Variants in CCDC88C observed in about 807,000 individuals in gnomAD.
The protein encoded by CCDC88C is coiled-coil and HOOK domain protein 88C, also known as protein Daple.
CCDC88C carries 131 observed loss-of-function variants against 198.8 expected under a neutral mutation model. The observed-to-expected ratio is 0.66, with a 90% CI of 0.57 to 0.76. CCDC88C has a LOEUF of 0.76. CCDC88C is among the 30% of genes least tolerant of loss of function. The probability of loss-of-function intolerance (pLI) is 0.00; values close to 1 mark genes in which losing one functional copy is unlikely to be tolerated. For missense variants in CCDC88C, 2,553 were observed against 2,631.6 expected, an observed-to-expected ratio of 0.97 and a Z score of 0.65; for synonymous variants, 1,166 against 1,114.7, an observed-to-expected ratio of 1.05 and a Z score of -0.92.
intron 4 of CCDC88C, among the ~76,000 whole-genome samples, chr14:91,344,018 G>A (rs1706392758): frequency 1.3e-5 from 2 of 151,882 alleles, no homozygotes; most frequent in African/African-American, 4.8e-5. Flanking sequence ...ATGGGTTTTT[G>A]CCATGTTGCC....
intron 3 of CCDC88C, among the ~76,000 whole-genome samples, chr14:91,364,503 G>A (rs1894440893): frequency 6.6e-6 from 1 of 152,136 alleles, no homozygotes; most frequent in Admixed American, 6.5e-5. Context: ...TAGGGGTTGG[G>A]GGAGAGCAAG....
chr14:91,339,187 G>A lies in CCDC88C; in HGVS notation c.809+91C>T, dbSNP rs1207851894. 1 of 1,462,144 alleles carries A rather than the reference G, an allele frequency of 6.8e-7. No homozygotes were observed. Among genetic ancestry groups the A allele is most frequent in the Non-Finnish European group, 9.4e-7 (1 of 1,061,884 alleles). 90.6% of individuals were successfully genotyped at this position (1,462,144 alleles called of 1,614,324 possible). A position where few individuals can be genotyped will look rare whatever the true frequency, so the allele number is the denominator to read the frequency against. On this transcript the variant is annotated intron_variant, in intron 8 of 29. Coordinates refer to ENST00000389857, the MANE Select transcript of CCDC88C (RefSeq NM_001080414.4). This position sits in a 1 kb window ranked among gnomAD's most constrained non-coding sequence, Gnocchi z 5.8. Reference sequence around the variant, plus strand: ...ACTCCGGGGCACACGTCAGAGCTGTGCCATTGGCAGCACCACACATGTGAG... The same window carrying A: ...ACTCCGGGGCACACGTCAGAGCTGTACCATTGGCAGCACCACACATGTGAG...
At chr14:91,278,302 C>G in intron 28 of CCDC88C, 91 bp from the exon 29 acceptor site, 1 of 1,243,570 alleles carries the variant, frequency 8.0e-7, no homozygotes, top group Non-Finnish European at 1.1e-6. Context: ...TTGCCCACTT[C>G]AAACTATCAG....
intron 3 of CCDC88C, chr14:91,379,801 C>A: frequency 5.7e-6 from 4 of 702,890 alleles, no homozygotes; most frequent in Non-Finnish European, 1.0e-5. Flanking sequence ...CTGTCCACTT[C>A]CACTGGGTTT....
intron 13 of CCDC88C, among the ~76,000 whole-genome samples, chr14:91,317,201 G>A (rs950006711): frequency 2.0e-5 from 3 of 152,230 alleles, no homozygotes; most frequent in African/African-American, 7.2e-5. Context: ...ACCCATGGAG[G>A]TGCCTTGAGT....
rs1190496065 is a variant in CCDC88C, at chr14:91,283,474, G to A, written c.4485C>T (p.Gly1495=). The part of the protein sequence containing the change: ...LKPKRGSPHR[G]SLDRTDASTD... ...TGGAGGCATCTGTGCGGTCAAGGCT[G>A]CCTCTGTGTGGGGAGCCTCGCTTTG... The change falls in exon 26 of 30, where the codon GGC becomes GGT. Residue 1495 remains glycine (G), a synonymous_variant. Transcript: ENST00000389857. 6.2e-7 allele frequency: 1 copy of A among 1,612,978 alleles called. No homozygotes were observed. Among genetic ancestry groups the A allele is most frequent in the Non-Finnish European group, 8.5e-7 (1 of 1,179,540 alleles).
At chr14:91,351,815 GCAC>G (rs756099944) in intron 4 of CCDC88C, among the ~76,000 whole-genome samples, 4 of 151,972 alleles carry the variant, frequency 2.6e-5, no homozygotes, top group African/African-American at 9.7e-5. Flanking sequence ...AGATACCCCA[GCAC>G]CACCACGCAC....
chr14:91,416,901 A>G, intron 1 of CCDC88C, 63 bp from the exon 2 acceptor site: 1 of 1,202,142 alleles, frequency 8.3e-7, no homozygotes, highest in Non-Finnish European at 1.2e-6. Context: ...AACGGTCCAA[A>G]GCTCTCCCAG....
At chr14:91,402,410 G>A (rs1018811244) in intron 3 of CCDC88C, among the ~76,000 whole-genome samples, 10 of 152,186 alleles carry the variant, frequency 6.6e-5, no homozygotes, top group African/African-American at 2.4e-4. Flanking sequence ...TACCACAGAG[G>A]CTGACATCTC....
Position 91,339,547 on chromosome 14 carries a change from G to A in CCDC88C, c.625-85C>T, listed in dbSNP as rs1223928924. On this transcript the variant is annotated intron_variant, in intron 7 of 29. Transcript: ENST00000389857. This position sits in a 1 kb window ranked among gnomAD's most constrained non-coding sequence, Gnocchi z 5.8. ...TGAGCTTGAACAGGGTGAAGAAACC[G>A]CCAAAAGACAGATATTTCAGCGGAG... The A allele has an allele frequency of 1.1e-5, 14 of 1,283,912 alleles. No homozygotes were observed. In the Middle Eastern group the frequency reaches 5.8e-4, roughly 53 times the overall value. 79.5% of individuals were successfully genotyped at this position (1,283,912 alleles called of 1,614,324 possible). A position where few individuals can be genotyped will look rare whatever the true frequency, so the allele number is the denominator to read the frequency against.
At chr14:91,385,053 G>A (rs1313511573) in intron 3 of CCDC88C, among the ~76,000 whole-genome samples, 2 of 152,212 alleles carry the variant, frequency 1.3e-5, no homozygotes, top group African/African-American at 4.8e-5. Context: ...GCCACATGGT[G>A]AGACCGGCAC....
rs865883303 is a variant in CCDC88C at position 91,307,842 on chromosome 14, T to G, written c.3006+509A>C. On this transcript the variant is annotated intron_variant, in intron 17 of 29. Transcript: ENST00000389857. ...AATACATGTGTGTAGAGAGCATGCATGTACATGTGTAAGGAGCATGTGCAT... is the reference window on the plus strand; with the variant it reads ...AATACATGTGTGTAGAGAGCATGCAGGTACATGTGTAAGGAGCATGTGCAT... 1.1e-4 allele frequency among the ~76,000 whole-genome samples: 16 copies of G among 152,376 alleles called. No individual in the cohort carries two copies. The South Asian group carries it at 2.3e-3, about 22-fold the overall frequency.
intron 27 of CCDC88C, 112 bp downstream of exon 27, chr14:91,281,345 A>C (rs1890188665): frequency 6.4e-7 from 1 of 1,567,514 alleles, no homozygotes; most frequent in African/African-American, 1.4e-5. Flanking sequence ...CCCCATTTCC[A>C]CCTTCATTTG....
Position 91,283,531 on chromosome 14 carries a change from G to A in CCDC88C, c.4442-14C>T, listed in dbSNP as rs1248029489. On this transcript the variant is annotated splice_polypyrimidine_tract_variant and intron_variant, in intron 25 of 29. Coordinates refer to ENST00000389857, the MANE Select transcript of CCDC88C (RefSeq NM_001080414.4). The stretch of plus-strand genomic sequence containing the variant: ...GATCCCCAGGGCCTGAGGCAGAAGA[G>A]GACATTGAGAAATGAGGCTGCCAAG... 7 of 1,600,618 alleles carry A rather than the reference G, an allele frequency of 4.4e-6. 1 individual carries two copies. Among genetic ancestry groups the A allele is most frequent in the South Asian group, 3.4e-5 (3 of 88,802 alleles).
rs995458838 is a variant in CCDC88C at position 91,284,567 on chromosome 14, A to G, written c.4442-1050T>C. On this transcript the variant is annotated intron_variant, in intron 25 of 29. Coordinates refer to ENST00000389857, the MANE Select transcript of CCDC88C (RefSeq NM_001080414.4). This position sits in a 1 kb window ranked among gnomAD's most constrained non-coding sequence, Gnocchi z 4.1. ...TGAACAGTTAGCATGAGCAGCGAAC[A>G]GAGAAAGCACAATTCCAACAGCATG... Among the ~76,000 whole-genome samples the G allele has an allele frequency of 2.6e-5, 4 of 152,250 alleles. No individual in the cohort carries two copies. The highest frequency in any genetic ancestry group is 1.3e-4 in the Admixed American group (2 of 15,290).
At chr14:91,398,702 C>A (rs571799154) in intron 3 of CCDC88C, among the ~76,000 whole-genome samples, 2 of 152,206 alleles carry the variant, frequency 1.3e-5, no homozygotes, top group South Asian at 4.2e-4. Flanking sequence ...GAAAGAAATA[C>A]AAGCAGCAGG....
intron 1 of CCDC88C, 40 bp downstream of exon 1, chr14:91,417,591 C>T: frequency 6.4e-7 from 1 of 1,557,988 alleles, no homozygotes; most frequent in Non-Finnish European, 8.7e-7. Flanking sequence ...AGAGAGAAGC[C>T]GGTGCACCAA....
intron 3 of CCDC88C, among the ~76,000 whole-genome samples, chr14:91,386,825 C>G (rs1885179385): frequency 6.6e-6 from 1 of 152,218 alleles, no homozygotes; most frequent in Non-Finnish European, 1.5e-5. Context: ...ATGACCCAGG[C>G]TAGCCCCACT....
chr14:91,293,528 A>AT (rs1890835638), intron 23 of CCDC88C, among the ~76,000 whole-genome samples: 2 of 4,646 alleles, frequency 4.3e-4, no homozygotes, highest in Non-Finnish European at 3.5e-4. Context: ...CTGTCCCCTC[A>AT]CCTGCCACGG....
Sources: gnomAD v4.1 joint callset for allele counts (sites outside exome capture counted in the v4.1 genomes callset) on GRCh38, gnomAD v4.1.1 for gene constraint, Gnocchi (gnomAD v3.1) non-coding constraint, MANE v1.5 for transcripts, NCBI Gene and HGNC (gene_info 2026-07-23, HGNC 2026-07-21) for gene names.